The following EFEMP1 variants were observed in gnomAD, a reference collection of about 807,000 sequenced individuals.
The protein encoded by EFEMP1 is EGF-like fibulin extracellular matrix protein 1, also known as EGF-containing fibulin-like extracellular matrix protein 1.
EFEMP1 carries 18 observed loss-of-function variants against 65.7 expected under a neutral mutation model. That is an observed-to-expected ratio of 0.27 (90% confidence interval 0.19 to 0.41). The LOEUF (loss-of-function observed/expected upper bound fraction) is 0.41. EFEMP1 is among the 10% of genes least tolerant of loss of function. The pLI is 1.00. For missense variants in EFEMP1, 469 were observed against 624.8 expected, an observed-to-expected ratio of 0.75 and a Z score of 2.66; for synonymous variants, 237 against 219.7, an observed-to-expected ratio of 1.08 and a Z score of -0.70.
intron 5 of EFEMP1, among the ~76,000 whole-genome samples, chr2:55,888,489 C>T (rs13404352): frequency 0.079 from 12,062 of 151,974 alleles, 678 homozygotes; most frequent in South Asian, 0.17. Flanking sequence ...AGGCGCCCAC[C>T]ACCATGCCTG....
rs907681424 is a variant in EFEMP1, at chr2:55,866,191, G to C, written c.*882C>G. 1 of 152,264 alleles carries C rather than the reference G, an allele frequency of 6.6e-6. No homozygotes were observed. Among genetic ancestry groups the C allele is most frequent in the African/African-American group, 2.4e-5 (1 of 41,558 alleles). The allele number at this position is 152,264 out of a possible 1,614,324, so 9.4% of individuals were successfully genotyped here. Reference sequence around the variant, plus strand: ...TGAGAAATTTTAGTTATAAATTAGTGAAGTGTTAGGATTTAAATTTTACTT... The same window carrying C: ...TGAGAAATTTTAGTTATAAATTAGTCAAGTGTTAGGATTTAAATTTTACTT... On this transcript the variant is annotated 3_prime_UTR_variant, in exon 12 of 12. Coordinates refer to ENST00000355426, the MANE Select transcript of EFEMP1 (RefSeq NM_001039348.3).
intron 5 of EFEMP1, among the ~76,000 whole-genome samples, chr2:55,894,061 C>A (rs1309004774): frequency 6.6e-6 from 1 of 152,058 alleles, no homozygotes; most frequent in East Asian, 1.9e-4. Context: ...ATATTTGATT[C>A]CATAAAATCA....
In EFEMP1 at chr2:55,923,729, C is replaced by T. The variant is rs3762515; in HGVS notation, c.-67G>A. The T allele has an allele frequency of 0.091, 89,437 of 985,834 alleles. 4,179 individuals carry two copies. The highest frequency in any genetic ancestry group is 0.1 in the Admixed American group (1,628 of 16,286). The allele number at this position is 985,834 out of a possible 1,614,324, so 61.1% of individuals were successfully genotyped here. ...CTCCTACCTGTGCGGCCGCGCTGCGCTCCGGGCCCGGGCAGCGAGGGGAGT... is the reference window on the plus strand; with the variant it reads ...CTCCTACCTGTGCGGCCGCGCTGCGTTCCGGGCCCGGGCAGCGAGGGGAGT... On this transcript the variant is annotated 5_prime_UTR_variant, in exon 1 of 12. Coordinates refer to ENST00000355426, the MANE Select transcript of EFEMP1 (RefSeq NM_001039348.3). This position sits in a 1 kb window ranked among gnomAD's most constrained non-coding sequence, Gnocchi z 5.3.
At chr2:55,914,766 G>C (rs1351404075) in intron 5 of EFEMP1, among the ~76,000 whole-genome samples, 4 of 151,894 alleles carry the variant, frequency 2.6e-5, no homozygotes, top group Admixed American at 2.0e-4. Context: ...TGGATTACTG[G>C]GCATAAATAT....
At chr2:55,881,264 C>A (rs1172683017) in intron 6 of EFEMP1, among the ~76,000 whole-genome samples, 1 of 152,312 alleles carries the variant, frequency 6.6e-6, no homozygotes, top group South Asian at 2.1e-4. Context: ...ATGCTATGCT[C>A]TGCAGCAGTG....
In EFEMP1 at chr2:55,870,829, C is replaced by G. The variant is rs139142559; in HGVS notation, c.1211G>C (p.Arg404Thr). The change falls in exon 11 of 12, where the codon AGG becomes ACG. Residue 404 changes from arginine to threonine, a missense_variant. Transcript: ENST00000355426. This position sits in a 1 kb window ranked among gnomAD's most constrained non-coding sequence, Gnocchi z 5.8. Reference protein sequence around the residue: ...VYKYMSIRSDRSVPSDIFQIQ... With the variant: ...VYKYMSIRSDTSVPSDIFQIQ... Reference sequence around the variant, plus strand: ...CTGGAAGATGTCTGATGGCACAGACCTATCAGATCGGATGCTCATGTATTT... The same window carrying G: ...CTGGAAGATGTCTGATGGCACAGACGTATCAGATCGGATGCTCATGTATTT... 1 of 1,613,652 alleles carries G rather than the reference C, an allele frequency of 6.2e-7. No homozygotes were observed. Among genetic ancestry groups the G allele is most frequent in the African/African-American group, 1.3e-5 (1 of 74,882 alleles).
Position 55,877,822 on chromosome 2 carries a change from G to A in EFEMP1, c.684C>T (p.Cys228=), listed in dbSNP as rs139930646. ...CTIPPYCHQR[C]VNTPGSFYCQ... is the part of the protein sequence containing the mutation. ...AATAAAATGAGCCTGGTGTATTCAC[G>A]CATCTTTGGTGGCAATATGGAGGGA... The change falls in exon 7 of 12, where the codon TGC becomes TGT. Residue 228 remains cysteine (C), a synonymous_variant. Transcript: ENST00000355426. This position sits in a 1 kb window ranked among gnomAD's most constrained non-coding sequence, Gnocchi z 4.5. The A allele has an allele frequency of 1.1e-5, 17 of 1,613,168 alleles. No individual in the cohort carries two copies. Among genetic ancestry groups the A allele is most frequent in the Non-Finnish European group, 1.3e-5 (15 of 1,179,314 alleles).
At chr2:55,881,457 G>A (rs1176948902) in intron 6 of EFEMP1, among the ~76,000 whole-genome samples, 155 bp downstream of exon 6, 3 of 152,248 alleles carry the variant, frequency 2.0e-5, no homozygotes, top group African/African-American at 7.2e-5. Flanking sequence ...GTTGTTTCTT[G>A]TTATTGTGGA....
intron 8 of EFEMP1, among the ~76,000 whole-genome samples, chr2:55,876,285 G>T (rs1669032901): frequency 6.6e-6 from 1 of 152,106 alleles, no homozygotes; most frequent in African/African-American, 2.4e-5. Flanking sequence ...GACTCAGGAG[G>T]TCTGGGTTGC....
In EFEMP1 at chr2:55,919,434, C is replaced by T. The variant is rs1001287611; in HGVS notation, c.82-1167G>A. ...CTAAATTCTTAGCAAGTATCCCAGG[C>T]GATTCCCATACAGGTTGTCTAGGAA... On this transcript the variant is annotated intron_variant, in intron 3 of 11. Transcript: ENST00000355426. This position sits in a 1 kb window ranked among gnomAD's most constrained non-coding sequence, Gnocchi z 4.5. Among the ~76,000 whole-genome samples, 1 of 152,258 alleles carries T rather than the reference C, an allele frequency of 6.6e-6. No homozygotes were observed. The highest frequency in any genetic ancestry group is 2.4e-5 in the African/African-American group (1 of 41,536).
chr2:55,872,601 C>CT (rs1668854724), intron 9 of EFEMP1, among the ~76,000 whole-genome samples: 1 of 152,020 alleles, frequency 6.6e-6, no homozygotes, highest in Non-Finnish European at 1.5e-5. Context: ...CATTCAAGTT[C>CT]ATATACTCTA....
chr2:55,913,869 G>C (rs1670577140), intron 5 of EFEMP1, among the ~76,000 whole-genome samples: 1 of 152,086 alleles, frequency 6.6e-6, no homozygotes, highest in Non-Finnish European at 1.5e-5. Flanking sequence ...AATTAGCAGG[G>C]TGTGGTGGTG....
intron 9 of EFEMP1, among the ~76,000 whole-genome samples, chr2:55,872,324 T>C (rs1024039967): frequency 2.0e-5 from 3 of 152,164 alleles, no homozygotes; most frequent in South Asian, 2.1e-4. Context: ...GTGTTCTTTT[T>C]TAAGGGCCTT....
rs572720717 is a variant in EFEMP1, at chr2:55,922,566, T to G, written c.-7-119A>C. 8.3e-5 allele frequency: 76 copies of G among 911,890 alleles called. No individual in the cohort carries two copies. The East Asian group carries it at 1.8e-3, about 22-fold the overall frequency. 56.5% of individuals were successfully genotyped at this position (911,890 alleles called of 1,614,324 possible). ...GGGAGAGGCTGAGGCTCCACCATAC[T>G]CAACTTCCAATCTGCTTTCTCATCT... is the stretch of plus-strand genomic sequence containing the variant. On this transcript the variant is annotated intron_variant, in intron 2 of 11. Coordinates refer to ENST00000355426, the MANE Select transcript of EFEMP1 (RefSeq NM_001039348.3). This position sits in a 1 kb window ranked among gnomAD's most constrained non-coding sequence, Gnocchi z 5.5.
intron 5 of EFEMP1, among the ~76,000 whole-genome samples, chr2:55,916,210 A>T (rs965081005): frequency 1.3e-5 from 2 of 151,754 alleles, no homozygotes; most frequent in Non-Finnish European, 1.5e-5. Flanking sequence ...CCCAGGTTCA[A>T]GCAATTCTCC....
rs150463947 is a variant in EFEMP1, at chr2:55,922,395, T to G, written c.46A>C (p.Lys16Gln). 25 of 1,613,900 alleles carry G rather than the reference T, an allele frequency of 1.5e-5. No individual in the cohort carries two copies. In the African/African-American group the frequency reaches 2.9e-4, roughly 19 times the overall value. Residue 16 changes from lysine (K) to glutamine (Q), a missense_variant, in exon 3 of 12, where the codon AAG becomes CAG. Physicochemically the swap from Lys to Gln is moderately conservative, Grantham distance 53. Transcript: ENST00000355426. The surrounding 1 kb of genome is among the most constrained non-coding windows in gnomAD (Gnocchi z 5.5). Reference sequence around the variant, plus strand: ...ATGGTTTCTTCGGTGTCCTGTGACTTGACCAGCGCCAGAGTCAGCATAGTT... The same window carrying G: ...ATGGTTTCTTCGGTGTCCTGTGACTGGACCAGCGCCAGAGTCAGCATAGTT... ...FLTMLTLALV[K>Q]SQDTEETITY...
intron 6 of EFEMP1, among the ~76,000 whole-genome samples, 200 bp from the exon 7 acceptor site, chr2:55,878,065 T>C (rs1282824850): frequency 6.6e-6 from 1 of 152,198 alleles, no homozygotes; most frequent in Non-Finnish European, 1.5e-5. Context: ...TCAATGTTCA[T>C]GCCATTCAGT....
In EFEMP1 at chr2:55,881,511, C is replaced by G. The variant is rs926945287; in HGVS notation, c.640+101G>C. The G allele has an allele frequency of 4.1e-5, 61 of 1,485,326 alleles. No individual in the cohort carries two copies. The African/African-American group carries it at 7.5e-4, about 18-fold the overall frequency. The allele number at this position is 1,485,326 out of a possible 1,614,324, so 92.0% of individuals were successfully genotyped here. ...TAAAAAAATAAGGAATTATTGGCTA[C>G]CACTCTCCAAAGAAACATGAATGCT... On this transcript the variant is annotated intron_variant, in intron 6 of 11. Transcript: ENST00000355426.
intron 5 of EFEMP1, among the ~76,000 whole-genome samples, chr2:55,898,819 C>T (rs1470458207): frequency 6.6e-6 from 1 of 152,134 alleles, no homozygotes. Flanking sequence ...CCTGCCTTGC[C>T]TCAACCCAAA....
Sources: allele counts gnomAD v4.1 joint callset (sites outside exome capture counted in the v4.1 genomes callset), GRCh38; gene constraint gnomAD v4.1.1; non-coding constraint Gnocchi (gnomAD v3.1); transcripts MANE v1.5; gene names NCBI Gene and HGNC (gene_info 2026-07-23, HGNC 2026-07-21).